Variants in PCDHA5 observed in about 807,000 individuals in gnomAD.
PCDHA5 encodes protocadherin alpha-5.
A neutral mutation model predicts 61.6 loss-of-function variants in PCDHA5; 43 were observed. The ratio of observed to expected loss-of-function variants is 0.70; its 90% CI spans 0.55 to 0.90. PCDHA5 has a LOEUF of 0.90. Among genes scored for constraint, PCDHA5 ranks in the 40% least tolerant of loss-of-function variants. PCDHA5 has a pLI of 0.00. For missense variants in PCDHA5, 1,298 were observed against 1,222.7 expected, an observed-to-expected ratio of 1.06 and a Z score of -0.92; for synonymous variants, 627 against 543.9, an observed-to-expected ratio of 1.15 and a Z score of -2.13.
chr5:140,849,852 C>A (rs2150454047), intron 1 of PCDHA5: 2 of 1,598,608 alleles, frequency 1.3e-6, no homozygotes, highest in East Asian at 2.2e-5. Context: ...CGACAACGCA[C>A]CAGCGTTCGC....
intron 1 of PCDHA5, among the ~76,000 whole-genome samples, chr5:140,845,925 A>T (rs1435379757): frequency 6.7e-6 from 1 of 149,798 alleles, no homozygotes; most frequent in African/African-American, 2.4e-5. Context: ...ATTTTTGTGT[A>T]AAACTATCTT....
rs192109857 is a variant in PCDHA5 at position 140,852,433 on chromosome 5, G to A, written c.2352+28306G>A. 4.2e-4 allele frequency: 75 copies of A among 180,184 alleles called. 1 individual carries two copies. The East Asian group carries it at 0.014, about 33-fold the overall frequency. The allele number at this position is 180,184 out of a possible 1,614,324, so 11.2% of individuals were successfully genotyped here. A position where few individuals can be genotyped will look rare whatever the true frequency, so the allele number is the denominator to read the frequency against. The stretch of plus-strand genomic sequence containing the variant: ...GCTGGGATTATAGGCACATGCCACC[G>A]CGCCCAGCTAATTTTTGTATTTTTA... On this transcript the variant is annotated intron_variant, in intron 1 of 3. Transcript: ENST00000529859.
chr5:141,010,030 C>CTAG lies in PCDHA5; in HGVS notation c.*93_*94insTAG. The stretch of plus-strand genomic sequence containing the variant: ...ATTCCCTGCTCCTTTTTCCTATCTA[C>CTAG]ATGAGCCCTCTTAGAGACCTCAGAA... On this transcript the variant is annotated 3_prime_UTR_variant, in exon 4 of 4. Coordinates refer to ENST00000529859, the MANE Select transcript of PCDHA5 (RefSeq NM_018908.3). 1 of 1,580,910 alleles carries CTAG rather than the reference C, an allele frequency of 6.3e-7. No homozygotes were observed. Among genetic ancestry groups the CTAG allele is most frequent in the Admixed American group, 1.8e-5 (1 of 54,776 alleles).
intron 1 of PCDHA5, chr5:140,849,764 G>C (rs2041112931): frequency 6.3e-6 from 10 of 1,598,402 alleles, no homozygotes; most frequent in Non-Finnish European, 8.6e-6. Context: ...CCTACGAGCT[G>C]GTGGTTACCG....
Position 140,823,477 on chromosome 5 carries a change from C to T in PCDHA5, c.1702C>T (p.Arg568Ter), listed in dbSNP as rs2150126196. 1 of 1,613,436 alleles carries T rather than the reference C, an allele frequency of 6.2e-7. No individual in the cohort carries two copies. Among genetic ancestry groups the T allele is most frequent in the South Asian group, 1.1e-5 (1 of 91,038 alleles). Residue 568 changes from arginine (R) to a stop codon, truncating the protein, a stop_gained, in exon 1 of 4, where the codon CGA (arginine) becomes TGA (stop). Coordinates refer to ENST00000529859, the MANE Select transcript of PCDHA5 (RefSeq NM_018908.3). LOFTEE classifies it high-confidence loss of function. The stretch of plus-strand genomic sequence containing the variant: ...CAACGCGCCGGCGCTGCTGGTGCCT[C>T]GAGTGGGTGGCACCGGCGGCGCAGT... Reference protein sequence around the residue: ...NDNAPALLVPRVGGTGGAVSE... With the variant: ...NDNAPALLVP
At chr5:140,857,993 C>G (rs782150278) in intron 1 of PCDHA5, 1 of 1,597,064 alleles carries the variant, frequency 6.3e-7, no homozygotes. Flanking sequence ...CCTACTGGTG[C>G]TGGTGAAGGA....
At chr5:140,849,237 A>G (rs1450217299) in intron 1 of PCDHA5, 1 of 1,052,122 alleles carries the variant, frequency 9.5e-7, no homozygotes, top group Non-Finnish European at 1.3e-6. Flanking sequence ...AACCCTGTAT[A>G]CGGTGAAATT....
intron 1 of PCDHA5, among the ~76,000 whole-genome samples, chr5:140,950,372 C>G (rs1369892292): frequency 1.3e-5 from 2 of 151,918 alleles, no homozygotes; most frequent in African/African-American, 4.8e-5. Context: ...ATCTATTTAT[C>G]TTCCATTTGA....
chr5:140,968,267 A>G, intron 1 of PCDHA5: 1 of 1,613,984 alleles, frequency 6.2e-7, no homozygotes, highest in Non-Finnish European at 8.5e-7. Flanking sequence ...TGAAAAGGAG[A>G]ATGCAGAGGT....
chr5:140,875,402 C>T, intron 1 of PCDHA5: 1 of 1,488,874 alleles, frequency 6.7e-7, no homozygotes, highest in Non-Finnish European at 8.9e-7. Flanking sequence ...AGGGTGACTG[C>T]TCATAAAATA....
At chr5:140,852,952 C>A in intron 1 of PCDHA5, 1 of 475,904 alleles carries the variant, frequency 2.1e-6, no homozygotes, top group Non-Finnish European at 2.8e-6. Context: ...CATCTTGGCT[C>A]ACTCCAAGCT....
At position 140,821,697 on chromosome 5, in the gene PCDHA5, A is replaced by C. The variant is rs1307389134; in HGVS notation, c.-79A>C. On this transcript the variant is annotated 5_prime_UTR_variant, in exon 1 of 4. Transcript: ENST00000529859. ...AGAAAGGCGATAATATAAAAAATATATAGTTAATTGGGAATTGAATTTACA... is the reference window on the plus strand; with the variant it reads ...AGAAAGGCGATAATATAAAAAATATCTAGTTAATTGGGAATTGAATTTACA... 1.4e-6 allele frequency: 2 copies of C among 1,400,452 alleles called. No individual in the cohort carries two copies. The highest frequency in any genetic ancestry group is 2.9e-5 in the African/African-American group (2 of 69,192). 86.8% of individuals were successfully genotyped at this position (1,400,452 alleles called of 1,614,324 possible).
chr5:140,911,052 G>T (rs1172408042), intron 1 of PCDHA5, among the ~76,000 whole-genome samples: 1 of 152,044 alleles, frequency 6.6e-6, no homozygotes, highest in Non-Finnish European at 1.5e-5. Context: ...AGGGGTGGTG[G>T]GGGGTGGGTC....
intron 1 of PCDHA5, chr5:140,829,699 C>T (rs61730774): frequency 1.2e-6 from 2 of 1,613,252 alleles, no homozygotes; most frequent in Non-Finnish European, 1.7e-6. Flanking sequence ...TTCAGGTGAG[C>T]GCGCGCGACG....
intron 1 of PCDHA5, chr5:140,876,230 A>C: frequency 6.2e-7 from 1 of 1,613,886 alleles, no homozygotes; most frequent in South Asian, 1.1e-5. Flanking sequence ...GTGTTGTCTG[A>C]AAATGTCCAA....
At chr5:140,826,341 C>G (rs2150143506) in intron 1 of PCDHA5, among the ~76,000 whole-genome samples, 21 of 152,068 alleles carry the variant, frequency 1.4e-4, no homozygotes, top group South Asian at 6.2e-4. Flanking sequence ...GAAATTGAAC[C>G]CTTTGTTTGC....
intron 1 of PCDHA5, chr5:140,842,220 G>A: frequency 1.2e-6 from 2 of 1,613,146 alleles, no homozygotes; most frequent in Non-Finnish European, 1.7e-6. Flanking sequence ...CGAAATACGG[G>A]AGAAATAGTG....
At chr5:140,859,812 C>T (rs1238470034) in intron 1 of PCDHA5, 3 of 152,286 alleles carry the variant, frequency 2.0e-5, no homozygotes, top group African/African-American at 7.3e-5. Flanking sequence ...TAAGTTAATG[C>T]AGAGTTTAGA....
chr5:140,858,695 T>C (rs563307566), intron 1 of PCDHA5: 3 of 571,446 alleles, frequency 5.2e-6, no homozygotes, highest in Admixed American at 3.6e-5. Flanking sequence ...TATTTTCCAA[T>C]ACAAATATGT....
Sources: gnomAD v4.1 joint callset for allele counts (sites outside exome capture counted in the v4.1 genomes callset) on GRCh38, gnomAD v4.1.1 for gene constraint, MANE v1.5 for transcripts, NCBI Gene and HGNC (gene_info 2026-07-23, HGNC 2026-07-21) for gene names.